Variants in TRAPPC3L observed in about 807,000 individuals in gnomAD.
TRAPPC3L encodes trafficking protein particle complex subunit 3-like protein.
A neutral mutation model predicts 23.7 loss-of-function variants in TRAPPC3L; 23 were observed. The observed-to-expected ratio is 0.97, with a 90% confidence interval of 0.70 to 1.37. TRAPPC3L has a LOEUF of 1.37. Ranked by LOEUF, TRAPPC3L falls within the 40% of genes most tolerant of loss-of-function variation. The pLI, the probability that TRAPPC3L is intolerant of heterozygous loss-of-function variation, is 0.00. For missense variants in TRAPPC3L, 212 were observed against 216.8 expected (o/e 0.98, Z 0.14); for synonymous variants, 81 against 77.9 (o/e 1.04, Z -0.21).
chr6:116,495,719 G>A lies in TRAPPC3L; in HGVS notation c.*1235C>T, dbSNP rs1422196963. ...GATAAAAGCCATTTTTAACTAGGGT[G>A]AGATAATATCTCATTATAGTTTTGA... is the stretch of plus-strand genomic sequence containing the variant. On this transcript the variant is annotated 3_prime_UTR_variant, in exon 5 of 5. Transcript: ENST00000368602. 6.6e-6 allele frequency: 1 copy of A among 152,140 alleles called. No homozygotes were observed. The highest frequency in any genetic ancestry group is 2.4e-5 in the African/African-American group (1 of 41,434). The allele number at this position is 152,140 out of a possible 1,614,324, so 9.4% of individuals were successfully genotyped here.
chr6:116,515,839 T>G, intron 3 of TRAPPC3L: 1 of 1,614,014 alleles, frequency 6.2e-7, no homozygotes, highest in South Asian at 1.1e-5. Flanking sequence ...CTACGTTTGC[T>G]GCCTGGGAGG....
chr6:116,540,707 A>G (rs1329575229), intron 2 of TRAPPC3L, among the ~76,000 whole-genome samples: 2 of 152,150 alleles, frequency 1.3e-5, no homozygotes, highest in East Asian at 3.9e-4. Context: ...CCTAGAATCA[A>G]GACTTGCCCA....
intron 3 of TRAPPC3L, among the ~76,000 whole-genome samples, chr6:116,533,532 G>C (rs1583284693): frequency 6.6e-6 from 1 of 152,204 alleles, no homozygotes; most frequent in East Asian, 1.9e-4. Flanking sequence ...AGGTAGGATA[G>C]GGTCAAACGT....
chr6:116,515,530 C>T, intron 3 of TRAPPC3L: 1 of 1,478,324 alleles, frequency 6.8e-7, no homozygotes. Context: ...CTATACACTT[C>T]TCAATAATAC....
At chr6:116,514,005 A>G (rs919763552) in intron 3 of TRAPPC3L, among the ~76,000 whole-genome samples, 1 of 152,162 alleles carries the variant, frequency 6.6e-6, no homozygotes, top group South Asian at 2.1e-4. Context: ...TAGAGATGAT[A>G]GATACAAATG....
At chr6:116,539,991 A>G (rs547872330) in intron 3 of TRAPPC3L, among the ~76,000 whole-genome samples, 109 of 152,260 alleles carry the variant, frequency 7.2e-4, no homozygotes, top group African/African-American at 2.6e-3. Flanking sequence ...ATATTCTTTG[A>G]TACTACCAAA....
Position 116,496,981 on chromosome 6 carries a change from G to T in TRAPPC3L, c.519C>A (p.Asp173Glu). The T allele has an allele frequency of 1.3e-6, 2 of 1,542,724 alleles. No homozygotes were observed. The highest frequency in any genetic ancestry group is 2.5e-5 in the East Asian group (1 of 40,534). The change falls in exon 5 of 5, where the codon GAC becomes GAA. Residue 173 changes from aspartate to glutamate, a missense_variant. Physicochemically the swap from Asp to Glu is conservative, Grantham distance 45 (BLOSUM62 2). Coordinates refer to ENST00000368602, the MANE Select transcript of TRAPPC3L (RefSeq NM_001139444.3). The part of the protein sequence containing the change: ...EIGITFLKKR[D>E]EKKYRGKK ...ATTTTTTCCCTCTATATTTTTTCTCGTCTCGCTTTTTTAGAAATGTTATTC... is the reference window on the plus strand; with the variant it reads ...ATTTTTTCCCTCTATATTTTTTCTCTTCTCGCTTTTTTAGAAATGTTATTC...
intron 2 of TRAPPC3L, among the ~76,000 whole-genome samples, chr6:116,542,242 G>A (rs1388748184): frequency 3.9e-5 from 6 of 152,252 alleles, no homozygotes; most frequent in Admixed American, 3.9e-4. Context: ...TCTATAGGTA[G>A]ACAGTTGGGC....
intron 3 of TRAPPC3L, among the ~76,000 whole-genome samples, chr6:116,538,623 C>T (rs1294873867): frequency 6.6e-6 from 1 of 152,130 alleles, no homozygotes; most frequent in Admixed American, 6.5e-5. Flanking sequence ...TAATAAACAA[C>T]CTTAAATACA....
chr6:116,535,501 C>T (rs888024834), intron 3 of TRAPPC3L, among the ~76,000 whole-genome samples: 2 of 152,158 alleles, frequency 1.3e-5, no homozygotes, highest in African/African-American at 4.8e-5. Flanking sequence ...TTAGCTTCTC[C>T]TAATAACGAA....
chr6:116,502,158 A>G (rs1402496329), intron 3 of TRAPPC3L, among the ~76,000 whole-genome samples: 1 of 152,204 alleles, frequency 6.6e-6, no homozygotes, highest in African/African-American at 2.4e-5. Context: ...AACTAGAATA[A>G]CCAGTGTAGA....
chr6:116,501,807 G>A (rs1440279037), intron 3 of TRAPPC3L, among the ~76,000 whole-genome samples: 4 of 152,224 alleles, frequency 2.6e-5, no homozygotes, highest in Non-Finnish European at 1.5e-5. Context: ...GAAAACTAAC[G>A]AACAGAAAGG....
intron 3 of TRAPPC3L, among the ~76,000 whole-genome samples, chr6:116,512,630 A>G (rs1331760320): frequency 2.6e-5 from 4 of 152,220 alleles, no homozygotes; most frequent in African/African-American, 9.6e-5. Flanking sequence ...TGTTTTCTCA[A>G]ACACACACAT....
chr6:116,529,940 T>C (rs1772595204), intron 3 of TRAPPC3L, among the ~76,000 whole-genome samples: 1 of 152,190 alleles, frequency 6.6e-6, no homozygotes, highest in African/African-American at 2.4e-5. Context: ...AACTGAGTTT[T>C]ACATATTCAT....
chr6:116,515,261 T>A (rs1447609749), intron 3 of TRAPPC3L, among the ~76,000 whole-genome samples: 2 of 152,234 alleles, frequency 1.3e-5, no homozygotes, highest in African/African-American at 4.8e-5. Context: ...ATGCACAGAA[T>A]ATTTTCCTAT....
rs555756140 is a variant in TRAPPC3L at position 116,508,439 on chromosome 6, T to A, written c.241-7773A>T. 3.9e-5 allele frequency among the ~76,000 whole-genome samples: 6 copies of A among 152,268 alleles called. 1 individual carries two copies. Among genetic ancestry groups the A allele is most frequent in the Admixed American group, 3.9e-4 (6 of 15,280 alleles). On this transcript the variant is annotated intron_variant, in intron 3 of 4. Coordinates refer to ENST00000368602, the MANE Select transcript of TRAPPC3L (RefSeq NM_001139444.3). ...TGTGAGCAGTTGTGAGCCCCAAAGG[T>A]GTGAACTGGCTAATGCAGAATTCAA...
At chr6:116,508,026 T>C (rs1364912022) in intron 3 of TRAPPC3L, among the ~76,000 whole-genome samples, 3 of 152,226 alleles carry the variant, frequency 2.0e-5, no homozygotes, top group Non-Finnish European at 4.4e-5. Flanking sequence ...AGTTTATTAA[T>C]GAAATTTTGT....
intron 3 of TRAPPC3L, among the ~76,000 whole-genome samples, chr6:116,533,767 G>A (rs565166753): frequency 6.6e-6 from 1 of 151,918 alleles, no homozygotes; most frequent in East Asian, 1.9e-4. Context: ...TCTGTCTCTA[G>A]CGTGCCTTTT....
At chr6:116,500,453 C>T (rs1244352112) in intron 4 of TRAPPC3L, 28 bp downstream of exon 4, 6 of 1,524,708 alleles carry the variant, frequency 3.9e-6, no homozygotes, top group Non-Finnish European at 5.3e-6. Context: ...AGAGATTCTT[C>T]ATTCATTCTT....
Sources: gnomAD v4.1 joint callset for allele counts (sites outside exome capture counted in the v4.1 genomes callset) on GRCh38, gnomAD v4.1.1 for gene constraint, MANE v1.5 for transcripts, NCBI Gene and HGNC (gene_info 2026-07-23, HGNC 2026-07-21) for gene names.